The following GRIA1 variants were observed in gnomAD, a reference collection of about 807,000 sequenced individuals.
GRIA1 encodes the protein glutamate receptor 1.
A neutral mutation model predicts 99.2 loss-of-function variants in GRIA1; 31 were observed. The ratio of observed to expected loss-of-function variants is 0.31; its 90% CI spans 0.23 to 0.42. The LOEUF is 0.42. GRIA1 is among the 10% of genes least tolerant of loss of function. GRIA1 has a pLI of 1.00. For missense variants in GRIA1, 782 were observed against 1,157.5 expected (o/e 0.68, Z 4.71); for synonymous variants, 438 against 432.4 (o/e 1.01, Z -0.16).
At chr5:153,806,255 T>C (rs1766418763) in intron 15 of GRIA1, among the ~76,000 whole-genome samples, 1 of 152,150 alleles carries the variant, frequency 6.6e-6, no homozygotes, top group Non-Finnish European at 1.5e-5. Context: ...TTTTTTTCTT[T>C]ATTTTTTCAT....
intron 2 of GRIA1, among the ~76,000 whole-genome samples, chr5:153,522,113 T>C (rs1757204056): frequency 6.6e-6 from 1 of 152,206 alleles, no homozygotes; most frequent in Non-Finnish European, 1.5e-5. Flanking sequence ...TGGATAAGTG[T>C]AAGACTCTGG....
intron 2 of GRIA1, among the ~76,000 whole-genome samples, chr5:153,640,296 A>G (rs1185932298): frequency 6.6e-6 from 1 of 152,256 alleles, no homozygotes; most frequent in Non-Finnish European, 1.5e-5. Flanking sequence ...TTTTGCAGCC[A>G]TCTTCCAACT....
chr5:153,691,465 C>T (rs1305397707), intron 8 of GRIA1, among the ~76,000 whole-genome samples: 1 of 152,098 alleles, frequency 6.6e-6, no homozygotes, highest in African/African-American at 2.4e-5. Flanking sequence ...ATTTGAGTGG[C>T]CCTGCCCTGC....
At chr5:153,804,519 T>A (rs989034093) in intron 15 of GRIA1, among the ~76,000 whole-genome samples, 3 of 152,140 alleles carry the variant, frequency 2.0e-5, no homozygotes, top group Non-Finnish European at 4.4e-5. Flanking sequence ...CTATAGACCA[T>A]GACTCAAGCC....
At chr5:153,773,403 A>G (rs1007680608) in intron 13 of GRIA1, among the ~76,000 whole-genome samples, 6 of 152,150 alleles carry the variant, frequency 3.9e-5, no homozygotes, top group South Asian at 2.1e-4. Flanking sequence ...GCACCTATTC[A>G]CATGAGCCAA....
chr5:153,741,933 T>A (rs866782645), intron 11 of GRIA1, among the ~76,000 whole-genome samples: 4 of 100,694 alleles, frequency 4.0e-5, no homozygotes, highest in South Asian at 9.1e-4. Flanking sequence ...AAAGCTTTTT[T>A]TAAAAAAAAA....
chr5:153,753,810 A>G (rs551149402), intron 11 of GRIA1, among the ~76,000 whole-genome samples: 53 of 152,286 alleles, frequency 3.5e-4, no homozygotes, highest in Admixed American at 2.3e-3. Flanking sequence ...AGGGCTTCAG[A>G]TCACAGCTGT....
intron 2 of GRIA1, among the ~76,000 whole-genome samples, chr5:153,559,330 C>A (rs1760921640): frequency 6.6e-6 from 1 of 152,082 alleles, no homozygotes; most frequent in Non-Finnish European, 1.5e-5. Context: ...AGGAGGCATG[C>A]CAGGGAGGGT....
chr5:153,655,730 C>T, intron 4 of GRIA1, 89 bp from the exon 5 acceptor site: 1 of 1,056,544 alleles, frequency 9.5e-7, no homozygotes, highest in South Asian at 1.3e-5. Flanking sequence ...ACATTGTAAG[C>T]ACTCGATATC....
At chr5:153,712,211 C>G (rs749147216) in intron 11 of GRIA1, among the ~76,000 whole-genome samples, 1 of 152,100 alleles carries the variant, frequency 6.6e-6, no homozygotes, top group Middle Eastern at 3.2e-3. Context: ...GCCACCATGC[C>G]CAGCTAATTG....
At chr5:153,774,736 A>G (rs989514787) in intron 13 of GRIA1, among the ~76,000 whole-genome samples, 7 of 152,240 alleles carry the variant, frequency 4.6e-5, no homozygotes, top group African/African-American at 1.4e-4. Flanking sequence ...ATGCTTCAGA[A>G]GATCAGATAA....
intron 13 of GRIA1, among the ~76,000 whole-genome samples, chr5:153,774,297 A>G (rs1764080845): frequency 6.6e-6 from 1 of 152,078 alleles, no homozygotes; most frequent in South Asian, 2.1e-4. Flanking sequence ...GAGTAAAGAC[A>G]TTTGTGCTTC....
intron 2 of GRIA1, among the ~76,000 whole-genome samples, chr5:153,552,206 A>G (rs989710868): frequency 6.6e-6 from 1 of 151,770 alleles, no homozygotes; most frequent in Non-Finnish European, 1.5e-5. Context: ...AAAAAACATC[A>G]TGAGACTTTG....
At chr5:153,645,143 C>A (rs552700349) in intron 2 of GRIA1, among the ~76,000 whole-genome samples, 5 of 152,222 alleles carry the variant, frequency 3.3e-5, no homozygotes, top group African/African-American at 1.2e-4. Context: ...AGCTCAAGGC[C>A]ATGAACACCA....
chr5:153,556,492 T>G (rs2149347434), intron 2 of GRIA1, among the ~76,000 whole-genome samples: 1 of 152,306 alleles, frequency 6.6e-6, no homozygotes, highest in Middle Eastern at 3.4e-3. Flanking sequence ...CTCATTTTTC[T>G]TATTAGTTTG....
chr5:153,646,514 T>C (rs1033001517), intron 2 of GRIA1, among the ~76,000 whole-genome samples: 1 of 152,152 alleles, frequency 6.6e-6, no homozygotes, highest in Non-Finnish European at 1.5e-5. Context: ...GTTTCTCCCC[T>C]TTAAAAAAAT....
At chr5:153,810,340 T>A (rs547474906) in intron 15 of GRIA1, among the ~76,000 whole-genome samples, 2 of 152,354 alleles carry the variant, frequency 1.3e-5, no homozygotes, top group East Asian at 3.9e-4. Flanking sequence ...TCCTTTCCAA[T>A]TAGATTTTGC....
chr5:153,723,772 C>G (rs996517458), intron 11 of GRIA1, among the ~76,000 whole-genome samples: 1 of 151,662 alleles, frequency 6.6e-6, no homozygotes, highest in African/African-American at 2.4e-5. Context: ...CACCACAGCT[C>G]AAGGAGGCCT....
chr5:153,541,114 C>G (rs950538024), intron 2 of GRIA1, among the ~76,000 whole-genome samples: 2 of 152,182 alleles, frequency 1.3e-5, no homozygotes, highest in Admixed American at 1.3e-4. Flanking sequence ...GTGCCTAATG[C>G]TTTTGTCTGG....
Sources: gnomAD v4.1 joint callset for allele counts (sites outside exome capture counted in the v4.1 genomes callset) on GRCh38, gnomAD v4.1.1 for gene constraint, MANE v1.5 for transcripts, NCBI Gene and HGNC (gene_info 2026-07-23, HGNC 2026-07-21) for gene names.